Variants in CTCF observed in about 807,000 individuals in gnomAD.
CTCF encodes CCCTC-binding factor.
CTCF carries 7 observed loss-of-function variants against 72.3 expected under a neutral mutation model. The ratio of observed to expected loss-of-function variants is 0.10; its 90% CI spans 0.06 to 0.18. The LOEUF is 0.18. CTCF is among the 10% of genes least tolerant of loss of function. The probability of loss-of-function intolerance (pLI) is 1.00; values close to 1 mark genes in which losing one functional copy is unlikely to be tolerated. For missense variants in CTCF, 516 were observed against 949.1 expected (o/e 0.54, Z 6.00); for synonymous variants, 374 against 315.8 (o/e 1.18, Z -1.95).
intron 2 of CTCF, among the ~76,000 whole-genome samples, chr16:67,587,818 G>A (rs1374606655): frequency 6.6e-6 from 1 of 152,104 alleles, no homozygotes; most frequent in Non-Finnish European, 1.5e-5. Flanking sequence ...TATTGCTTAT[G>A]TGAGAATTAT....
Position 67,628,358 on chromosome 16 carries a change from A to G in CTCF, c.1519-12A>G, listed in dbSNP as rs368261855. ...AGCAGGCTCTGAGGCCTTTCCCCCT[A>G]TGCCGTTTCAGGAGAGGCACATGAT... On this transcript the variant is annotated splice_polypyrimidine_tract_variant and intron_variant, in intron 8 of 11. Transcript: ENST00000264010. 18 of 1,611,414 alleles carry G rather than the reference A, an allele frequency of 1.1e-5. No individual in the cohort carries two copies. The highest frequency in any genetic ancestry group is 8.0e-5 in the African/African-American group (6 of 74,880).
At chr16:67,608,901 C>G (rs770950931) in intron 2 of CTCF, among the ~76,000 whole-genome samples, 1 of 152,052 alleles carries the variant, frequency 6.6e-6, no homozygotes, top group African/African-American at 2.4e-5. Context: ...ACCATCACAC[C>G]TGGCTAATTT....
rs2052060792 is a variant in CTCF, at chr16:67,611,409, A to G, written c.577A>G (p.Lys193Glu). 1.2e-6 allele frequency: 2 copies of G among 1,614,050 alleles called. No homozygotes were observed. The highest frequency in any genetic ancestry group is 1.1e-5 in the South Asian group (1 of 91,086). Residue 193 changes from lysine (K) to glutamate (E), a missense_variant, in exon 3 of 12, where the codon AAA becomes GAA. By Grantham distance (56) the Lys-to-Glu change is moderately conservative. Around this residue, in one of 7 missense-constraint regions of CTCF, gnomAD observed 53 missense variants for 63.6 expected, o/e 0.83. Coordinates refer to ENST00000264010, the MANE Select transcript of CTCF (RefSeq NM_006565.4). ...ACCCCAGGAAGATCCTAGTTGGCAAAAAGACCCAGACTATCAGCCACCAGC... is the reference window on the plus strand; with the variant it reads ...ACCCCAGGAAGATCCTAGTTGGCAAGAAGACCCAGACTATCAGCCACCAGC... ...LPPQEDPSWQ[K>E]DPDYQPPAKK...
intron 2 of CTCF, among the ~76,000 whole-genome samples, chr16:67,588,018 T>C (rs1326503606): frequency 6.6e-6 from 1 of 151,972 alleles, no homozygotes; most frequent in East Asian, 1.9e-4. Flanking sequence ...CCACCACGCC[T>C]GGCTAATTTT....
At chr16:67,600,885 C>T (rs2051877521) in intron 2 of CTCF, among the ~76,000 whole-genome samples, 1 of 152,070 alleles carries the variant, frequency 6.6e-6, no homozygotes, top group African/African-American at 2.4e-5. Context: ...ATATAAACTT[C>T]ATTTTGGTGG....
intron 2 of CTCF, among the ~76,000 whole-genome samples, chr16:67,574,329 T>TAA (rs2051466111): frequency 1.3e-5 from 2 of 152,096 alleles, no homozygotes; most frequent in South Asian, 4.1e-4. Flanking sequence ...ATTTGCCAGT[T>TAA]TGTTAAGAGG....
intron 11 of CTCF, 42 bp downstream of exon 11, chr16:67,636,893 G>T: frequency 7.0e-7 from 1 of 1,436,356 alleles, no homozygotes; most frequent in Non-Finnish European, 9.2e-7. Flanking sequence ...CGTCTTCTCC[G>T]AGCATGTGGG....
chr16:67,612,248 T>C (rs1436861460), intron 4 of CTCF, 127 bp downstream of exon 4: 2 of 817,238 alleles, frequency 2.4e-6, no homozygotes, highest in African/African-American at 3.5e-5. Flanking sequence ...GCCCTTTTTG[T>C]AATCATGATT....
rs776556705 is a variant in CTCF, at chr16:67,611,193, C to T, written c.361C>T (p.Pro121Ser). Residue 121 changes from proline to serine, a missense_variant, in exon 3 of 12, where the codon CCT (proline) becomes TCT (serine). Pro to Ser is a moderately conservative substitution (Grantham distance 74, BLOSUM62 -1). Transcript: ENST00000264010. ...GELQLVQVPVPVTVPVATTSV... is the reference protein window; with the variant it reads ...GELQLVQVPVSVTVPVATTSV... ...ACTTCAGCTTGTTCAAGTACCTGTT[C>T]CTGTGACTGTACCTGTTGCTACCAC... 1 of 1,614,164 alleles carries T rather than the reference C, an allele frequency of 6.2e-7. No individual in the cohort carries two copies.
At chr16:67,590,175 G>A (rs943038236) in intron 2 of CTCF, among the ~76,000 whole-genome samples, 1 of 151,200 alleles carries the variant, frequency 6.6e-6, no homozygotes. Flanking sequence ...ACCTTTTGGC[G>A]AAAGAATTAT....
intron 2 of CTCF, among the ~76,000 whole-genome samples, chr16:67,597,883 A>G (rs1020129805): frequency 1.3e-5 from 2 of 152,164 alleles, no homozygotes; most frequent in South Asian, 2.1e-4. Context: ...CTTTATGGAT[A>G]TAGATAATAG....
At chr16:67,631,436 A>G (rs2052364253) in intron 10 of CTCF, among the ~76,000 whole-genome samples, 1 of 151,820 alleles carries the variant, frequency 6.6e-6, no homozygotes, top group African/African-American at 2.4e-5. Flanking sequence ...AAGTGCTGGG[A>G]TTACAGATGT....
chr16:67,632,998 TGTG>T (rs895582132), intron 10 of CTCF, among the ~76,000 whole-genome samples: 1 of 152,168 alleles, frequency 6.6e-6, no homozygotes, highest in African/African-American at 2.4e-5. Flanking sequence ...TGCCTGCAGA[TGTG>T]GGCGCCAGAA....
intron 4 of CTCF, among the ~76,000 whole-genome samples, chr16:67,614,112 C>A (rs933161594): frequency 1.3e-5 from 2 of 151,724 alleles, no homozygotes; most frequent in African/African-American, 4.8e-5. Context: ...TTTGGGAGGC[C>A]GAGGTGGGTG....
chr16:67,599,426 G>A (rs1315216904), intron 2 of CTCF, among the ~76,000 whole-genome samples: 16 of 151,984 alleles, frequency 1.1e-4, no homozygotes. Flanking sequence ...GCAAGAGGAG[G>A]AAGAACTGAT....
chr16:67,633,224 G>A (rs1431793424), intron 10 of CTCF, among the ~76,000 whole-genome samples: 1 of 151,844 alleles, frequency 6.6e-6, no homozygotes, highest in Non-Finnish European at 1.5e-5. Context: ...TTACGGAGCA[G>A]GATTAAATGA....
intron 2 of CTCF, among the ~76,000 whole-genome samples, chr16:67,591,094 A>G (rs1225088231): frequency 1.3e-5 from 2 of 151,972 alleles, no homozygotes; most frequent in Middle Eastern, 3.4e-3. Flanking sequence ...GGAGTTTGAG[A>G]CTAGCCTAGC....
chr16:67,565,159 G>T (rs2051326406), intron 1 of CTCF, among the ~76,000 whole-genome samples: 1 of 151,658 alleles, frequency 6.6e-6, no homozygotes, highest in South Asian at 2.1e-4. Context: ...GTGCCACCAC[G>T]CCCGGCTAAT....
rs577600091 is a variant in CTCF, at chr16:67,602,614, G to A, written c.-9-8210G>A. 8.5e-5 allele frequency among the ~76,000 whole-genome samples: 13 copies of A among 152,140 alleles called. 1 individual carries two copies. Among genetic ancestry groups the A allele is most frequent in the African/African-American group, 2.6e-4 (11 of 41,514 alleles). Reference sequence around the variant, plus strand: ...CCCAGCACTTTGGGAGGCCGAGGCCGGCAGATTACCTGAGGTCAGGAGTTC... The same window carrying A: ...CCCAGCACTTTGGGAGGCCGAGGCCAGCAGATTACCTGAGGTCAGGAGTTC... On this transcript the variant is annotated intron_variant, in intron 2 of 11. Transcript: ENST00000264010.
Sources: gnomAD v4.1 joint callset for allele counts (sites outside exome capture counted in the v4.1 genomes callset) on GRCh38, gnomAD v4.1.1 for gene constraint, gnomAD v4.1.1 regional missense constraint, MANE v1.5 for transcripts, NCBI Gene and HGNC (gene_info 2026-07-23, HGNC 2026-07-21) for gene names.